IER5: variants seen among roughly 807,000 people sequenced by gnomAD.
IER5 encodes the protein immediate early response 5.
In IER5, 3 loss-of-function variants were observed where a neutral mutation model predicts 8.2. The observed-to-expected ratio is 0.36, with a 90% CI of 0.17 to 0.94. IER5 has a LOEUF of 0.94. Among genes scored for constraint, IER5 ranks in the 40% least tolerant of loss-of-function variants. The pLI, the probability that IER5 is intolerant of heterozygous loss-of-function variation, is 0.43. For missense variants in IER5, 531 were observed against 494.3 expected (o/e 1.07, Z -0.70); for synonymous variants, 286 against 230.1 (o/e 1.24, Z -2.20).
rs1659479819 is a variant in IER5, at chr1:181,091,665, T to A, written c.*1779T>A. 1 of 152,250 alleles carries A rather than the reference T, an allele frequency of 6.6e-6. No homozygotes were observed. Among genetic ancestry groups the A allele is most frequent in the Non-Finnish European group, 1.5e-5 (1 of 68,054 alleles). 9.4% of individuals were successfully genotyped at this position (152,250 alleles called of 1,614,324 possible). A position where few individuals can be genotyped will look rare whatever the true frequency, so the allele number is the denominator to read the frequency against. ...TTTGAAAGGTATTCAGTAATCTATTTCAGAAGCAAATCAATTAGGGAATGG... is the reference window on the plus strand; with the variant it reads ...TTTGAAAGGTATTCAGTAATCTATTACAGAAGCAAATCAATTAGGGAATGG... On this transcript the variant is annotated 3_prime_UTR_variant, in exon 1 of 1. Transcript: ENST00000367577.
Position 181,090,012 on chromosome 1 carries a change from C to G in IER5, c.*126C>G. ...TGAGCGCGTTGGGCAGACTGGTTGC[C>G]TCTGGGCATCGCAAACTGCCCCCGG... On this transcript the variant is annotated 3_prime_UTR_variant, in exon 1 of 1. Coordinates refer to ENST00000367577, the MANE Select transcript of IER5 (RefSeq NM_016545.5). 7.8e-7 allele frequency: 1 copy of G among 1,286,168 alleles called. No individual in the cohort carries two copies. Among genetic ancestry groups the G allele is most frequent in the South Asian group, 1.4e-5 (1 of 71,948 alleles). 79.7% of individuals were successfully genotyped at this position (1,286,168 alleles called of 1,614,324 possible).
rs770542314 is a variant in IER5 at position 181,089,159 on chromosome 1, C to T, written c.257C>T (p.Pro86Leu). 4 of 1,438,548 alleles carry T rather than the reference C, an allele frequency of 2.8e-6. No homozygotes were observed. The highest frequency in any genetic ancestry group is 2.9e-5 in the African/African-American group (2 of 68,204). The allele number at this position is 1,438,548 out of a possible 1,614,324, so 89.1% of individuals were successfully genotyped here. ...AAGPPAGWGEPPPPAARASWP... is the reference protein window; with the variant it reads ...AAGPPAGWGELPPPAARASWP... ...GGGCCACCCGCCGGCTGGGGAGAGC[C>T]GCCCCCGCCCGCCGCTCGTGCCTCT... The change falls in exon 1 of 1, where the codon CCG becomes CTG. Residue 86 changes from proline to leucine, a missense_variant. Coordinates refer to ENST00000367577, the MANE Select transcript of IER5 (RefSeq NM_016545.5).
rs537139574 is a variant in IER5, at chr1:181,090,548, G to C, written c.*662G>C. 18 of 167,456 alleles carry C rather than the reference G, an allele frequency of 1.1e-4. No homozygotes were observed. In the South Asian group the frequency reaches 3.4e-3, roughly 32 times the overall value. The allele number at this position is 167,456 out of a possible 1,614,324, so 10.4% of individuals were successfully genotyped here. On this transcript the variant is annotated 3_prime_UTR_variant, in exon 1 of 1. Coordinates refer to ENST00000367577, the MANE Select transcript of IER5 (RefSeq NM_016545.5). The stretch of plus-strand genomic sequence containing the variant: ...AAAAAGCTTGACGAACTTCACAGAA[G>C]AGTTCAAGCTTGGAAATAATGGAGT...
Position 181,089,284 on chromosome 1 carries a change from G to A in IER5, c.382G>A (p.Val128Ile), listed in dbSNP as rs1326644923. 7 of 1,558,700 alleles carry A rather than the reference G, an allele frequency of 4.5e-6. No homozygotes were observed. The highest frequency in any genetic ancestry group is 4.3e-5 in the African/African-American group (3 of 70,558). ...GGCCACGGTGACTGGAGTCGGGGACGTTTTTCAGGGCGGAGAGGCGGACGC... is the reference window on the plus strand; with the variant it reads ...GGCCACGGTGACTGGAGTCGGGGACATTTTTCAGGGCGGAGAGGCGGACGC... ...PVATVTGVGD[V>I]FQGGEADATE... The change falls in exon 1 of 1, where the codon GTT becomes ATT. Residue 128 changes from valine to isoleucine, a missense_variant. Val to Ile is a conservative substitution (Grantham distance 29). Transcript: ENST00000367577.
chr1:181,089,315 A>G lies in IER5; in HGVS notation c.413A>G (p.Glu138Gly). Residue 138 changes from glutamate (E) to glycine (G), a missense_variant, in exon 1 of 1, where the codon GAA (glutamate) becomes GGA (glycine). Coordinates refer to ENST00000367577, the MANE Select transcript of IER5 (RefSeq NM_016545.5). ...CAGGGCGGAGAGGCGGACGCGACGG[A>G]AGCTGCCTGGAGCCGCGTGGAGGGG... is the stretch of plus-strand genomic sequence containing the variant. ...VFQGGEADATEAAWSRVEGPR... is the reference protein window; with the variant it reads ...VFQGGEADATGAAWSRVEGPR... 1.9e-6 allele frequency: 3 copies of G among 1,549,150 alleles called. No individual in the cohort carries two copies. The highest frequency in any genetic ancestry group is 2.6e-6 in the Non-Finnish European group (3 of 1,150,898).
rs767673184 is a variant in IER5, at chr1:181,089,169, C to T, written c.267C>T (p.Pro89=). Reference sequence around the variant, plus strand: ...CCGGCTGGGGAGAGCCGCCCCCGCCCGCCGCTCGTGCCTCTTGGCCGGAGA... The same window carrying T: ...CCGGCTGGGGAGAGCCGCCCCCGCCTGCCGCTCGTGCCTCTTGGCCGGAGA... The part of the protein sequence containing the change: ...PPAGWGEPPP[P]AARASWPETE... Residue 89 remains proline (P), a synonymous_variant, in exon 1 of 1, where the codon CCC becomes CCT. Coordinates refer to ENST00000367577, the MANE Select transcript of IER5 (RefSeq NM_016545.5). 1.4e-5 allele frequency: 21 copies of T among 1,458,708 alleles called. No individual in the cohort carries two copies. The highest frequency in any genetic ancestry group is 2.4e-4 in the Middle Eastern group (1 of 4,088). 90.4% of individuals were successfully genotyped at this position (1,458,708 alleles called of 1,614,324 possible).
Position 181,090,665 on chromosome 1 carries a change from G to A in IER5, c.*779G>A, listed in dbSNP as rs571956595. 1 of 167,198 alleles carries A rather than the reference G, an allele frequency of 6.0e-6. No homozygotes were observed. Among genetic ancestry groups the A allele is most frequent in the East Asian group, 1.9e-4 (1 of 5,198 alleles). 10.4% of individuals were successfully genotyped at this position (167,198 alleles called of 1,614,324 possible). On this transcript the variant is annotated 3_prime_UTR_variant, in exon 1 of 1. Transcript: ENST00000367577. ...GTTTAATGAGAGTTTACAGACAGAA[G>A]CCCGAAGTGGAAAGACCTTATGGTT...
rs556663917 is a variant in IER5 at position 181,092,761 on chromosome 1, C to T, written c.*2875C>T. The T allele has an allele frequency of 6.6e-6, 1 of 152,148 alleles. No homozygotes were observed. The highest frequency in any genetic ancestry group is 1.5e-5 in the Non-Finnish European group (1 of 68,030). The allele number at this position is 152,148 out of a possible 1,614,324, so 9.4% of individuals were successfully genotyped here. A position where few individuals can be genotyped will look rare whatever the true frequency, so the allele number is the denominator to read the frequency against. On this transcript the variant is annotated 3_prime_UTR_variant, in exon 1 of 1. Transcript: ENST00000367577. Reference sequence around the variant, plus strand: ...ATGAGTTAATGCTCTTAGAAGAGTACCTCATATGTAATAAGCACGCAACTG... The same window carrying T: ...ATGAGTTAATGCTCTTAGAAGAGTATCTCATATGTAATAAGCACGCAACTG...
chr1:181,089,568 G>C lies in IER5; in HGVS notation c.666G>C (p.Ala222=), dbSNP rs1441159834. 1.3e-6 allele frequency: 2 copies of C among 1,525,310 alleles called. No individual in the cohort carries two copies. Among genetic ancestry groups the C allele is most frequent in the East Asian group, 2.5e-5 (1 of 40,096 alleles). The allele number at this position is 1,525,310 out of a possible 1,614,324, so 94.5% of individuals were successfully genotyped here. Reference sequence around the variant, plus strand: ...TGTGCCCCAGGAAGCGCTGCGCGGCGGGGGTGGGCGGCGGCCCAGCGGGCT... The same window carrying C: ...TGTGCCCCAGGAAGCGCTGCGCGGCCGGGGTGGGCGGCGGCCCAGCGGGCT... The part of the protein sequence containing the change: ...PAVCPRKRCA[A]GVGGGPAGCP... The change falls in exon 1 of 1, where the codon GCG becomes GCC. Residue 222 remains alanine (A), a synonymous_variant. Coordinates refer to ENST00000367577, the MANE Select transcript of IER5 (RefSeq NM_016545.5).
rs956019038 is a variant in IER5 at position 181,092,462 on chromosome 1, T to C, written c.*2576T>C. On this transcript the variant is annotated 3_prime_UTR_variant, in exon 1 of 1. Coordinates refer to ENST00000367577, the MANE Select transcript of IER5 (RefSeq NM_016545.5). Reference sequence around the variant, plus strand: ...TGCTTGGTGTCTTCCTTTATTTATTTATTTATTTAATTATAAAAAGTAAAT... The same window carrying C: ...TGCTTGGTGTCTTCCTTTATTTATTCATTTATTTAATTATAAAAAGTAAAT... The C allele has an allele frequency of 6.6e-5, 10 of 152,224 alleles. No homozygotes were observed. In the East Asian group the frequency reaches 1.7e-3, roughly 26 times the overall value. 9.4% of individuals were successfully genotyped at this position (152,224 alleles called of 1,614,324 possible).
Position 181,089,291 on chromosome 1 carries a change from A to G in IER5, c.389A>G (p.Gln130Arg), listed in dbSNP as rs748744688. The G allele has an allele frequency of 2.6e-6, 4 of 1,555,622 alleles. No individual in the cohort carries two copies. Among genetic ancestry groups the G allele is most frequent in the Non-Finnish European group, 3.5e-6 (4 of 1,153,242 alleles). Reference sequence around the variant, plus strand: ...GTGACTGGAGTCGGGGACGTTTTTCAGGGCGGAGAGGCGGACGCGACGGAA... The same window carrying G: ...GTGACTGGAGTCGGGGACGTTTTTCGGGGCGGAGAGGCGGACGCGACGGAA... The part of the protein sequence containing the change: ...ATVTGVGDVF[Q>R]GGEADATEAA... Residue 130 changes from glutamine (Q) to arginine (R), a missense_variant, in exon 1 of 1, where the codon CAG becomes CGG. By Grantham distance (43) the Gln-to-Arg change is conservative (BLOSUM62 1). Coordinates refer to ENST00000367577, the MANE Select transcript of IER5 (RefSeq NM_016545.5).
chr1:181,090,802 T>C lies in IER5; in HGVS notation c.*916T>C, dbSNP rs1237379885. ...TTGATTTTTGTATAAAAATGTAACTTCTACGTGTCTAACACGTATTAAATA... is the reference window on the plus strand; with the variant it reads ...TTGATTTTTGTATAAAAATGTAACTCCTACGTGTCTAACACGTATTAAATA... On this transcript the variant is annotated 3_prime_UTR_variant, in exon 1 of 1. Coordinates refer to ENST00000367577, the MANE Select transcript of IER5 (RefSeq NM_016545.5). 1 of 161,790 alleles carries C rather than the reference T, an allele frequency of 6.2e-6. No homozygotes were observed. The highest frequency in any genetic ancestry group is 2.4e-5 in the African/African-American group (1 of 41,448). 10.0% of individuals were successfully genotyped at this position (161,790 alleles called of 1,614,324 possible).
rs1659435707 is a variant in IER5, at chr1:181,090,125, A to G, written c.*239A>G. On this transcript the variant is annotated 3_prime_UTR_variant, in exon 1 of 1. Transcript: ENST00000367577. ...CTTTTGTGTTTGTGTATGTCTGTGTATGTAAGTTTGTCTTGTGGCATTAAG... is the reference window on the plus strand; with the variant it reads ...CTTTTGTGTTTGTGTATGTCTGTGTGTGTAAGTTTGTCTTGTGGCATTAAG... 3 of 589,086 alleles carry G rather than the reference A, an allele frequency of 5.1e-6. No individual in the cohort carries two copies. Among genetic ancestry groups the G allele is most frequent in the Non-Finnish European group, 9.1e-6 (3 of 328,234 alleles). The allele number at this position is 589,086 out of a possible 1,614,324, so 36.5% of individuals were successfully genotyped here. A position where few individuals can be genotyped will look rare whatever the true frequency, so the allele number is the denominator to read the frequency against.
At position 181,088,998 on chromosome 1, in the gene IER5, G is replaced by A; in HGVS notation, c.96G>A (p.Lys32=). ...AGCGCGGCGGCATCAAGCTGCATAA[G>A]AACCTCCTGGTCTCGCTGGTGCTGC... ...RVQRGGIKLH[K]NLLVSLVLRS... The change falls in exon 1 of 1, where the codon AAG becomes AAA. Residue 32 remains lysine (K), a synonymous_variant. Transcript: ENST00000367577. 1.2e-6 allele frequency: 2 copies of A among 1,613,458 alleles called. No homozygotes were observed. The highest frequency in any genetic ancestry group is 1.7e-6 in the Non-Finnish European group (2 of 1,179,884).
chr1:181,088,971 C>G lies in IER5; in HGVS notation c.69C>G (p.Val23=). ...ISLGKIYNSR[V]QRGGIKLHKN... ...TGGGCAAGATCTACAACTCGCGGGT[C>G]CAGCGCGGCGGCATCAAGCTGCATA... is the stretch of plus-strand genomic sequence containing the variant. Residue 23 remains valine (V), a synonymous_variant, in exon 1 of 1, where the codon GTC becomes GTG. Coordinates refer to ENST00000367577, the MANE Select transcript of IER5 (RefSeq NM_016545.5). The G allele has an allele frequency of 2.5e-6, 4 of 1,613,790 alleles. No individual in the cohort carries two copies. Among genetic ancestry groups the G allele is most frequent in the Non-Finnish European group, 3.4e-6 (4 of 1,179,930 alleles).
Position 181,088,922 on chromosome 1 carries a change from C to T in IER5, c.20C>T (p.Ala7Val). 1 of 1,613,468 alleles carries T rather than the reference C, an allele frequency of 6.2e-7. No individual in the cohort carries two copies. Among genetic ancestry groups the T allele is most frequent in the South Asian group, 1.1e-5 (1 of 91,022 alleles). Residue 7 changes from alanine (A) to valine (V), a missense_variant, in exon 1 of 1, where the codon GCT becomes GTT. Ala to Val is a moderately conservative substitution (Grantham distance 64). Coordinates refer to ENST00000367577, the MANE Select transcript of IER5 (RefSeq NM_016545.5). MEFKLEAHRIVSISLGK... is the reference protein window; with the variant it reads MEFKLEVHRIVSISLGK... ...AAGCAGATGGAGTTCAAGCTGGAGG[C>T]TCATCGCATCGTCAGCATCTCTCTG...
At position 181,089,366 on chromosome 1, in the gene IER5, C is replaced by T; in HGVS notation, c.464C>T (p.Ala155Val). ...EGPRQAAARE[A>V]EGTAGGWGVF... ...CCGCGCCAGGCGGCGGCCAGAGAAGCCGAGGGTACCGCCGGAGGCTGGGGC... is the reference window on the plus strand; with the variant it reads ...CCGCGCCAGGCGGCGGCCAGAGAAGTCGAGGGTACCGCCGGAGGCTGGGGC... Residue 155 changes from alanine to valine, a missense_variant, in exon 1 of 1, where the codon GCC becomes GTC. By Grantham distance (64) the Ala-to-Val change is moderately conservative. Coordinates refer to ENST00000367577, the MANE Select transcript of IER5 (RefSeq NM_016545.5). 1.3e-6 allele frequency: 2 copies of T among 1,503,506 alleles called. No individual in the cohort carries two copies. The highest frequency in any genetic ancestry group is 1.4e-5 in the African/African-American group (1 of 69,758). The allele number at this position is 1,503,506 out of a possible 1,614,324, so 93.1% of individuals were successfully genotyped here.
rs1343747087 is a variant in IER5 at position 181,089,613 on chromosome 1, C to A, written c.711C>A (p.Thr237=). The change falls in exon 1 of 1, where the codon ACC becomes ACA. Residue 237 remains threonine, a synonymous_variant. Coordinates refer to ENST00000367577, the MANE Select transcript of IER5 (RefSeq NM_016545.5). ...GPAGCPAPGS[T]PLKKPRRNLE... is the part of the protein sequence containing the mutation. ...CGGGCTGCCCGGCGCCCGGCTCGAC[C>A]CCGCTCAAGAAGCCCCGCCGGAACT... 2 of 1,610,550 alleles carry A rather than the reference C, an allele frequency of 1.2e-6. No homozygotes were observed. Among genetic ancestry groups the A allele is most frequent in the Non-Finnish European group, 1.7e-6 (2 of 1,179,272 alleles).
At position 181,091,051 on chromosome 1, in the gene IER5, G is replaced by A. The variant is rs1659465188; in HGVS notation, c.*1165G>A. On this transcript the variant is annotated 3_prime_UTR_variant, in exon 1 of 1. Coordinates refer to ENST00000367577, the MANE Select transcript of IER5 (RefSeq NM_016545.5). ...AGGACTGCTATTAGATACTAATATC[G>A]GCGACCTGTCAGGTTCTAGAAACCT... 6.6e-6 allele frequency: 1 copy of A among 151,854 alleles called. No individual in the cohort carries two copies. The highest frequency in any genetic ancestry group is 6.6e-5 in the Admixed American group (1 of 15,230). The allele number at this position is 151,854 out of a possible 1,614,324, so 9.4% of individuals were successfully genotyped here. A position where few individuals can be genotyped will look rare whatever the true frequency, so the allele number is the denominator to read the frequency against.
Sources: gnomAD v4.1 joint callset for allele counts on GRCh38, gnomAD v4.1.1 for gene constraint, MANE v1.5 for transcripts, NCBI Gene and HGNC (gene_info 2026-07-23, HGNC 2026-07-21) for gene names.